The following NCALD variants were observed in gnomAD, a reference collection of about 807,000 sequenced individuals.
NCALD encodes the protein neurocalcin-delta.
A neutral mutation model predicts 18.6 loss-of-function variants in NCALD; 10 were observed. The observed-to-expected ratio is 0.54, with a 90% CI of 0.33 to 0.91. NCALD has a LOEUF of 0.91. NCALD is among the 40% of genes least tolerant of loss of function. The pLI is 0.03. For missense variants in NCALD, 184 were observed against 247.6 expected (o/e 0.74, Z 1.72); for synonymous variants, 88 against 87.4 (o/e 1.01, Z -0.04).
At chr8:101,904,130 T>G (rs1817531249) in intron 3 of NCALD, among the ~76,000 whole-genome samples, 1 of 152,192 alleles carries the variant, frequency 6.6e-6, no homozygotes, top group African/African-American at 2.4e-5. Context: ...TGGTGAGTAA[T>G]TCAGCTATGC....
chr8:101,969,342 G>GCCACTC (rs1321073257), intron 2 of NCALD, among the ~76,000 whole-genome samples: 1 of 152,150 alleles, frequency 6.6e-6, no homozygotes, highest in Non-Finnish European at 1.5e-5. Context: ...CAAGAAATCT[G>GCCACTC]AGTGGGTTTC....
At chr8:102,075,964 AAAC>A (rs1246476938) in intron 1 of NCALD, among the ~76,000 whole-genome samples, 1 of 151,208 alleles carries the variant, frequency 6.6e-6, no homozygotes, top group Non-Finnish European at 1.5e-5. Context: ...AAAAAAAAAC[AAAC>A]AAAAAACTGG....
At chr8:101,734,073 G>C (rs556774993) in intron 1 of NCALD, among the ~76,000 whole-genome samples, 4 of 152,256 alleles carry the variant, frequency 2.6e-5, no homozygotes, top group African/African-American at 9.6e-5. Context: ...AGGAGCCCCA[G>C]GGCTCTCTTA....
chr8:101,974,524 C>G (rs1299916864), intron 2 of NCALD, among the ~76,000 whole-genome samples: 1 of 152,158 alleles, frequency 6.6e-6, no homozygotes, highest in Non-Finnish European at 1.5e-5. Flanking sequence ...CTTGCTCAAG[C>G]ATGTGGGATG....
chr8:102,015,494 G>T (rs1315904298), intron 2 of NCALD, among the ~76,000 whole-genome samples: 3 of 152,212 alleles, frequency 2.0e-5, no homozygotes, highest in South Asian at 2.1e-4. Flanking sequence ...ACTGGCAATT[G>T]TATTTACAAC....
In NCALD at chr8:101,689,257, G is replaced by C. The variant is rs1231700353; in HGVS notation, c.*52C>G. On this transcript the variant is annotated 3_prime_UTR_variant, in exon 4 of 4. Coordinates refer to ENST00000220931, the MANE Select transcript of NCALD (RefSeq NM_032041.3). The surrounding 1 kb of genome is among the most constrained non-coding windows in gnomAD (Gnocchi z 4.4). Reference sequence around the variant, plus strand: ...AAAAAAAAAAAATTGTTAAAAAGAAGAATCAAAAGGGAACACAAGCAGCTC... The same window carrying C: ...AAAAAAAAAAAATTGTTAAAAAGAACAATCAAAAGGGAACACAAGCAGCTC... The C allele has an allele frequency of 2.7e-6, 4 of 1,507,418 alleles. No homozygotes were observed. The highest frequency in any genetic ancestry group is 3.6e-6 in the Non-Finnish European group (4 of 1,098,348). 93.4% of individuals were successfully genotyped at this position (1,507,418 alleles called of 1,614,324 possible).
intron 3 of NCALD, among the ~76,000 whole-genome samples, chr8:101,908,203 A>C (rs1817673126): frequency 6.6e-6 from 1 of 152,254 alleles, no homozygotes; most frequent in African/African-American, 2.4e-5. Flanking sequence ...AGCTCAGAGA[A>C]GTGTTAAATC....
intron 1 of NCALD, among the ~76,000 whole-genome samples, chr8:102,072,898 G>C (rs1024970846): frequency 1.2e-4 from 18 of 152,056 alleles, no homozygotes; most frequent in African/African-American, 3.6e-4. Flanking sequence ...AATTCATACA[G>C]ACTTTCTGGA....
intron 1 of NCALD, among the ~76,000 whole-genome samples, chr8:101,751,503 AT>A (rs1278516846): frequency 6.6e-6 from 1 of 152,084 alleles, no homozygotes; most frequent in Non-Finnish European, 1.5e-5. Context: ...AAAATGGTAA[AT>A]TTTTTGTTAT....
chr8:101,692,194 C>G (rs1456010391), intron 3 of NCALD: 1 of 985,316 alleles, frequency 1.0e-6, no homozygotes, highest in African/African-American at 1.7e-5. Context: ...ATGCAACCTT[C>G]TTTTTCACTT....
chr8:101,971,573 C>T (rs1467502211), intron 2 of NCALD, among the ~76,000 whole-genome samples: 1 of 152,090 alleles, frequency 6.6e-6, no homozygotes, highest in Non-Finnish European at 1.5e-5. Context: ...TCCACCATGA[C>T]TGGAAGTTTC....
At chr8:101,699,969 G>A (rs4734584) in intron 2 of NCALD, among the ~76,000 whole-genome samples, 71,636 of 151,974 alleles carry the variant, frequency 0.47, 18,866 homozygotes, top group African/African-American at 0.7. Flanking sequence ...ATTATGTATT[G>A]TCCACTATGA....
chr8:102,124,471 C>T (rs1430786460), upstream of NCALD: 1 of 135,090 alleles, frequency 7.4e-6, no homozygotes, highest in East Asian at 2.3e-4. Flanking sequence ...CAAGATGAGG[C>T]GCGGGATTTG....
intron 1 of NCALD, among the ~76,000 whole-genome samples, chr8:102,090,079 A>C (rs1824874792): frequency 6.6e-6 from 1 of 152,220 alleles, no homozygotes. Context: ...ATAAAGGTGA[A>C]AATTGGCTTA....
At chr8:102,013,467 C>T (rs1209972339) in intron 2 of NCALD, among the ~76,000 whole-genome samples, 1 of 152,096 alleles carries the variant, frequency 6.6e-6, no homozygotes, top group African/African-American at 2.4e-5. Context: ...AAAGAATATG[C>T]CCAACTTAAA....
At chr8:102,037,550 A>T (rs1363205695) in intron 1 of NCALD, among the ~76,000 whole-genome samples, 5 of 152,246 alleles carry the variant, frequency 3.3e-5, no homozygotes, top group Non-Finnish European at 7.3e-5. Context: ...TCAAAATATC[A>T]GGAGCTATCT....
chr8:101,924,886 A>T (rs1334199426), intron 2 of NCALD, among the ~76,000 whole-genome samples: 1 of 152,208 alleles, frequency 6.6e-6, no homozygotes, highest in African/African-American at 2.4e-5. Flanking sequence ...TTAAATATAG[A>T]TTTAAGAGGA....
chr8:101,692,648 T>A, intron 3 of NCALD, 143 bp downstream of exon 3: 1 of 1,375,762 alleles, frequency 7.3e-7, no homozygotes, highest in Non-Finnish European at 9.6e-7. Context: ...GGCCACCTGG[T>A]CCTCTCCCCT....
intron 4 of NCALD, among the ~76,000 whole-genome samples, chr8:101,834,485 G>C (rs964927889): frequency 6.6e-6 from 1 of 152,196 alleles, no homozygotes; most frequent in East Asian, 1.9e-4. Context: ...TTGTTTCCTC[G>C]TTCCTCAGTC....
Sources: allele counts gnomAD v4.1 joint callset (sites outside exome capture counted in the v4.1 genomes callset), GRCh38; gene constraint gnomAD v4.1.1; non-coding constraint Gnocchi (gnomAD v3.1); transcripts MANE v1.5; gene names NCBI Gene and HGNC (gene_info 2026-07-23, HGNC 2026-07-21).